USP54: variants seen among roughly 807,000 people sequenced by gnomAD.
USP54 encodes ubiquitin specific peptidase 54.
In USP54, 87 loss-of-function variants were observed where a neutral mutation model predicts 170.5. The ratio of observed to expected loss-of-function variants is 0.51; its 90% CI spans 0.43 to 0.61. The LOEUF (loss-of-function observed/expected upper bound fraction) is 0.61, where lower values mean the gene tolerates loss of function less well. Ranked by LOEUF, USP54 falls within the 20% of genes least tolerant of loss-of-function variation. The pLI, the probability that USP54 is intolerant of heterozygous loss-of-function variation, is 0.00. For missense variants in USP54, 1,786 were observed against 2,047.8 expected (o/e 0.87, Z 2.47); for synonymous variants, 655 against 742.8 (o/e 0.88, Z 1.92).
At chr10:73,532,163 T>G (rs952315806) in intron 12 of USP54, among the ~76,000 whole-genome samples, 3 of 152,076 alleles carry the variant, frequency 2.0e-5, no homozygotes, top group Non-Finnish European at 4.4e-5. Context: ...GGAAATAACT[T>G]GGAACAACTA....
chr10:73,619,772 A>T (rs941574382), intron 1 of USP54, among the ~76,000 whole-genome samples: 8 of 150,728 alleles, frequency 5.3e-5, no homozygotes, highest in Non-Finnish European at 1.2e-4. Context: ...TGAATTACTT[A>T]TCCTTAGTAC....
chr10:73,586,024 T>A (rs1163621735), intron 1 of USP54, among the ~76,000 whole-genome samples: 3 of 151,818 alleles, frequency 2.0e-5, no homozygotes, highest in Admixed American at 1.3e-4. Context: ...AAAAAAAAAA[T>A]TAATTCCTAA....
Position 73,529,509 on chromosome 10 carries a change from G to A in USP54, c.2060+171C>T, listed in dbSNP as rs76839096. On this transcript the variant is annotated intron_variant, in intron 15 of 23. Transcript: ENST00000687698. ...TAGAAAGTTCTCTCTCCTTTCTCAAGTGCCTCTGTTCTTCCAGCAGAGGGT... is the reference window on the plus strand; with the variant it reads ...TAGAAAGTTCTCTCTCCTTTCTCAAATGCCTCTGTTCTTCCAGCAGAGGGT... 6.1e-3 allele frequency: 4,467 copies of A among 733,626 alleles called. 134 individuals carry two copies. In the African/African-American group the frequency reaches 0.07, roughly 12 times the overall value. 45.4% of individuals were successfully genotyped at this position (733,626 alleles called of 1,614,324 possible).
chr10:73,516,480 T>G lies in USP54; in HGVS notation c.3946A>C (p.Thr1316Pro). The change falls in exon 20 of 24, where the codon ACC becomes CCC. Residue 1316 changes from threonine (T) to proline (P), a missense_variant. Coordinates refer to ENST00000687698, the MANE Select transcript of USP54 (RefSeq NM_001391956.1). ...PHWNQDTEQETSELESLYQAS... is the reference protein window; with the variant it reads ...PHWNQDTEQEPSELESLYQAS... ...TGATACAGAGACTCCAATTCTGAGG[T>G]CTCCTGCTCTGTGTCTTGGTTCCAA... 1 of 1,614,034 alleles carries G rather than the reference T, an allele frequency of 6.2e-7. No homozygotes were observed. The highest frequency in any genetic ancestry group is 8.5e-7 in the Non-Finnish European group (1 of 1,180,020).
intron 4 of USP54, among the ~76,000 whole-genome samples, chr10:73,568,959 A>G (rs1181162632): frequency 6.6e-6 from 1 of 152,198 alleles, no homozygotes; most frequent in East Asian, 1.9e-4. Context: ...GTCCCTCAGG[A>G]AAATGAAATA....
Position 73,530,327 on chromosome 10 carries a change from C to T in USP54, c.1644G>A (p.Leu548=), listed in dbSNP as rs2063733258. 2 of 1,614,082 alleles carry T rather than the reference C, an allele frequency of 1.2e-6. No individual in the cohort carries two copies. The highest frequency in any genetic ancestry group is 1.7e-6 in the Non-Finnish European group (2 of 1,180,002). The change falls in exon 14 of 24, where the codon CTG becomes CTA. Residue 548 remains leucine (L), a synonymous_variant. Transcript: ENST00000687698. ...TTTCCCAGTCACGAGAGTGTAAAGG[C>T]AGGGTCCTAGGAGGTTTTTTGTCAG... ...DQPDKKPPRT[L]PLHSRDWEIE...
intron 1 of USP54, among the ~76,000 whole-genome samples, chr10:73,622,928 C>T (rs2046386138): frequency 7.0e-6 from 1 of 142,516 alleles, no homozygotes; most frequent in Admixed American, 7.0e-5. Flanking sequence ...GGGCAACAGA[C>T]AACTCGTCTT....
intron 19 of USP54, chr10:73,519,140 CAAAAAAAAAAAA>C (rs769300590): frequency 1.5e-5 from 1 of 67,598 alleles, no homozygotes; most frequent in African/African-American, 4.6e-5. Flanking sequence ...ATCCTGTCTC[CAAAAAAAAAAAA>C]AAAAAAAAAA....
chr10:73,542,407 A>G (rs760468718), intron 7 of USP54, among the ~76,000 whole-genome samples: 1 of 152,076 alleles, frequency 6.6e-6, no homozygotes, highest in Non-Finnish European at 1.5e-5. Flanking sequence ...GCCAAGATAT[A>G]AAACTATTTG....
chr10:73,571,888 G>A (rs1170252831), intron 3 of USP54, among the ~76,000 whole-genome samples: 2 of 152,198 alleles, frequency 1.3e-5, no homozygotes, highest in African/African-American at 2.4e-5. Flanking sequence ...AATGTGAACT[G>A]TAGAAATGTG....
chr10:73,559,370 G>C (rs963718631), intron 4 of USP54, among the ~76,000 whole-genome samples: 29 of 152,050 alleles, frequency 1.9e-4, no homozygotes, highest in African/African-American at 6.0e-4. Context: ...AGACTAGCCT[G>C]ATCAACATGG....
chr10:73,583,076 G>T (rs2077074055), intron 1 of USP54, among the ~76,000 whole-genome samples: 1 of 152,096 alleles, frequency 6.6e-6, no homozygotes, highest in Admixed American at 6.6e-5. Flanking sequence ...AGGAATATTT[G>T]ACAAATAGCC....
At chr10:73,621,456 C>T (rs895518939) in intron 1 of USP54, among the ~76,000 whole-genome samples, 5 of 149,724 alleles carry the variant, frequency 3.3e-5, no homozygotes, top group African/African-American at 4.9e-5. Context: ...AAAAAATAGC[C>T]GGGCATGGTG....
upstream of USP54, among the ~76,000 whole-genome samples, chr10:73,595,299 C>G (rs1050191005): frequency 6.6e-6 from 1 of 152,120 alleles, no homozygotes; most frequent in Non-Finnish European, 1.5e-5. Flanking sequence ...CAGGTGCAAT[C>G]CCTGTGCAAT....
upstream of USP54, among the ~76,000 whole-genome samples, chr10:73,593,463 T>C (rs981891314): frequency 1.3e-5 from 2 of 151,836 alleles, no homozygotes; most frequent in African/African-American, 4.8e-5. Context: ...GGGAGAGTGA[T>C]ACATAGTGTT....
chr10:73,603,977 A>G (rs1050003800), intron 1 of USP54, among the ~76,000 whole-genome samples: 1 of 151,822 alleles, frequency 6.6e-6, no homozygotes, highest in African/African-American at 2.4e-5. Context: ...GTGGCCAGGC[A>G]CAGTGGCTCA....
upstream of USP54, among the ~76,000 whole-genome samples, chr10:73,592,471 CAAAAAA>C (rs367984467): frequency 3.0e-5 from 2 of 67,360 alleles, no homozygotes; most frequent in Non-Finnish European, 3.4e-5. Context: ...GAAAGTGCCA[CAAAAAA>C]AAAAAAAAAA....
chr10:73,532,195 C>T (rs1208336196), intron 12 of USP54, among the ~76,000 whole-genome samples: 1 of 150,228 alleles, frequency 6.7e-6, no homozygotes, highest in East Asian at 2.0e-4. Flanking sequence ...TTTTTTGAGA[C>T]GGAGTCTCGC....
At chr10:73,509,867 G>T (rs1335036951) in intron 20 of USP54, among the ~76,000 whole-genome samples, 1 of 151,824 alleles carries the variant, frequency 6.6e-6, no homozygotes, top group East Asian at 1.9e-4. Context: ...AAAATTGGTC[G>T]GATGTGGTGG....
Sources: allele counts gnomAD v4.1 joint callset (sites outside exome capture counted in the v4.1 genomes callset), GRCh38; gene constraint gnomAD v4.1.1; transcripts MANE v1.5; gene names NCBI Gene and HGNC (gene_info 2026-07-23, HGNC 2026-07-21).